IRAG2: variants seen among roughly 807,000 people sequenced by gnomAD.
IRAG2 encodes lymphoid restricted membrane protein.
A neutral mutation model predicts 69.9 loss-of-function variants in IRAG2; 45 were observed. The ratio of observed to expected loss-of-function variants is 0.64; its 90% CI spans 0.51 to 0.83. The LOEUF (loss-of-function observed/expected upper bound fraction) is 0.83. IRAG2 is among the 40% of genes least tolerant of loss of function. The pLI is 0.00. For synonymous variants in IRAG2, 193 were observed against 202.4 expected, an observed-to-expected ratio of 0.95 and a Z score of 0.40; for missense variants, 520 against 587.0, an observed-to-expected ratio of 0.89 and a Z score of 1.18.
chr12:25,011,262 T>C, intron 2 of IRAG2: 1 of 978,196 alleles, frequency 1.0e-6, no homozygotes, highest in East Asian at 3.3e-5. Flanking sequence ...CTGCCAGGGT[T>C]ATATATCATG....
chr12:25,016,867 T>A (rs1364586888), intron 5 of IRAG2, among the ~76,000 whole-genome samples: 1 of 152,036 alleles, frequency 6.6e-6, no homozygotes, highest in Non-Finnish European at 1.5e-5. Context: ...GGGAAAAGAA[T>A]CAACAAAAAC....
intron 6 of IRAG2, among the ~76,000 whole-genome samples, chr12:25,077,012 A>G (rs1203355250): frequency 1.3e-5 from 2 of 150,892 alleles, no homozygotes; most frequent in East Asian, 3.9e-4. Flanking sequence ...AGTAGCTGCA[A>G]TCGCAGGTGT....
chr12:25,065,772 T>C lies in IRAG2; in HGVS notation c.-206-593T>C, dbSNP rs532723500. Among the ~76,000 whole-genome samples the C allele has an allele frequency of 2.0e-5, 3 of 152,342 alleles. No individual in the cohort carries two copies. In the East Asian group the frequency reaches 5.8e-4, roughly 29 times the overall value. ...GCAGCCTCAACCTCTTGGGCTCAAA[T>C]GATTCTCCTGCCTTAGCCCCCCAAG... On this transcript the variant is annotated intron_variant, in intron 4 of 21. Transcript: ENST00000556887.
At chr12:25,084,856 T>C (rs558321418) in intron 10 of IRAG2, among the ~76,000 whole-genome samples, 1 of 152,340 alleles carries the variant, frequency 6.6e-6, no homozygotes, top group East Asian at 1.9e-4. Context: ...AAGTCTCTTA[T>C]ATAAAAATTG....
intron 21 of IRAG2, among the ~76,000 whole-genome samples, chr12:25,107,265 T>A (rs1949237956): frequency 1.3e-5 from 2 of 152,206 alleles, no homozygotes; most frequent in African/African-American, 4.8e-5. Flanking sequence ...GTAATATATG[T>A]TATATTCTAT....
At chr12:25,090,604 A>G (rs7973851) in intron 14 of IRAG2, among the ~76,000 whole-genome samples, 108,713 of 151,994 alleles carry the variant, frequency 0.72, 39,445 homozygotes, top group East Asian at 0.88. Flanking sequence ...TAACACTTTC[A>G]TAATTACATA....
At chr12:25,049,273 C>A (rs1944821443), upstream of IRAG2, among the ~76,000 whole-genome samples, 1 of 152,132 alleles carries the variant, frequency 6.6e-6, no homozygotes, top group Non-Finnish European at 1.5e-5. Context: ...TATTCTAATT[C>A]TGTGAAGAAT....
chr12:25,045,110 G>A (rs1194745896), intron 16 of IRAG2, among the ~76,000 whole-genome samples: 2 of 151,986 alleles, frequency 1.3e-5, no homozygotes, highest in African/African-American at 2.4e-5. Context: ...GAAGGAAAAC[G>A]GAAATATTCA....
At chr12:25,023,786 G>T in intron 7 of IRAG2, 1 of 637,548 alleles carries the variant, frequency 1.6e-6, no homozygotes, top group Non-Finnish European at 2.2e-6. Flanking sequence ...AAAGTTGGTA[G>T]AGAATGTCAG....
upstream of IRAG2, among the ~76,000 whole-genome samples, chr12:25,003,765 A>T (rs937844667): frequency 6.6e-6 from 1 of 152,206 alleles, no homozygotes; most frequent in African/African-American, 2.4e-5. Flanking sequence ...GATAGGGTTT[A>T]TGTGAAATTT....
intron 2 of IRAG2, 69 bp downstream of exon 2, chr12:25,061,722 CT>C: frequency 5.0e-6 from 2 of 398,080 alleles, no homozygotes; most frequent in Admixed American, 4.4e-5. Flanking sequence ...GGTTTTGAAG[CT>C]AATTTATAAC....
At chr12:25,050,553 A>C (rs1351928617), upstream of IRAG2, among the ~76,000 whole-genome samples, 125 of 143,974 alleles carry the variant, frequency 8.7e-4, 4 homozygotes, top group African/African-American at 3.0e-3. Context: ...ACAAACAAAC[A>C]AAAAAAAACA....
upstream of IRAG2, among the ~76,000 whole-genome samples, chr12:24,999,453 C>G (rs1326893913): frequency 6.6e-6 from 1 of 152,128 alleles, no homozygotes; most frequent in Non-Finnish European, 1.5e-5. Context: ...AATAATGGGA[C>G]TCAGAATCTA....
chr12:25,002,005 G>A (rs1279174840), upstream of IRAG2, among the ~76,000 whole-genome samples: 1 of 151,910 alleles, frequency 6.6e-6, no homozygotes, highest in Non-Finnish European at 1.5e-5. Flanking sequence ...TCCTGACCTC[G>A]TGATCCACCC....
intron 17 of IRAG2, 37 bp from the exon 18 acceptor site, chr12:25,103,800 A>G (rs747159307): frequency 6.3e-6 from 9 of 1,439,638 alleles, no homozygotes; most frequent in South Asian, 1.1e-5. Context: ...TAAATTATTG[A>G]GAGTTTTCTA....
intron 1 of IRAG2, among the ~76,000 whole-genome samples, chr12:25,056,864 A>T (rs1031274824): frequency 3.9e-5 from 6 of 152,168 alleles, no homozygotes; most frequent in African/African-American, 1.4e-4. Flanking sequence ...TTTTGAGAAA[A>T]TTAAAATAAG....
chr12:25,044,167 G>C (rs1177016034), intron 16 of IRAG2, among the ~76,000 whole-genome samples: 2 of 151,942 alleles, frequency 1.3e-5, no homozygotes, highest in Non-Finnish European at 2.9e-5. Context: ...TAATAGAATA[G>C]AGTTTTTATA....
rs900542409 is a variant in IRAG2, at chr12:25,052,809, C to T, written c.-594C>T. 2 of 398,476 alleles carry T rather than the reference C, an allele frequency of 5.0e-6. No individual in the cohort carries two copies. The highest frequency in any genetic ancestry group is 8.8e-6 in the Non-Finnish European group (2 of 226,082). 24.7% of individuals were successfully genotyped at this position (398,476 alleles called of 1,614,324 possible). A position where few individuals can be genotyped will look rare whatever the true frequency, so the allele number is the denominator to read the frequency against. On this transcript the variant is annotated 5_prime_UTR_variant, in exon 1 of 22. Coordinates refer to ENST00000556887, the MANE Select transcript of IRAG2 (RefSeq NM_001366544.2). The stretch of plus-strand genomic sequence containing the variant: ...CCATGTCCAGGGTAAGGATCGAGAT[C>T]GAGAAGCCCACACTGCCAGTGAAAA...
At chr12:25,072,286 C>CT in intron 6 of IRAG2, among the ~76,000 whole-genome samples, 1 of 152,284 alleles carries the variant, frequency 6.6e-6, no homozygotes. Context: ...TCACATGCTC[C>CT]TGTAAGTTCC....
Sources: gnomAD v4.1 joint callset for allele counts (sites outside exome capture counted in the v4.1 genomes callset) on GRCh38, gnomAD v4.1.1 for gene constraint, MANE v1.5 for transcripts, NCBI Gene and HGNC (gene_info 2026-07-23, HGNC 2026-07-21) for gene names.